The following PCDHA5 variants were observed in gnomAD, a reference collection of about 807,000 sequenced individuals.
PCDHA5 encodes the protein protocadherin alpha-5.
Under a neutral mutation model 61.6 loss-of-function variants are expected in PCDHA5, and 43 were observed. The ratio of observed to expected loss-of-function variants is 0.70; its 90% confidence interval spans 0.55 to 0.90. PCDHA5 has a LOEUF of 0.90. Among genes scored for constraint, PCDHA5 ranks in the 40% least tolerant of loss-of-function variants. PCDHA5 has a pLI of 0.00. For missense variants in PCDHA5, 1,298 were observed against 1,222.7 expected (o/e 1.06, Z -0.92); for synonymous variants, 627 against 543.9 (o/e 1.15, Z -2.13).
intron 1 of PCDHA5, chr5:140,829,756 G>T (rs1251312679): frequency 1.9e-5 from 31 of 1,613,620 alleles, no homozygotes; most frequent in Non-Finnish European, 2.5e-5. Context: ...AGGTGTTCGT[G>T]CTGGACGAGA....
At chr5:140,941,624 T>A (rs2093131699) in intron 1 of PCDHA5, among the ~76,000 whole-genome samples, 1 of 151,964 alleles carries the variant, frequency 6.6e-6, no homozygotes, top group Non-Finnish European at 1.5e-5. Flanking sequence ...CCATCCTGCT[T>A]CTTAATTTCT....
At chr5:140,918,186 C>T (rs1177570782) in intron 1 of PCDHA5, among the ~76,000 whole-genome samples, 1 of 151,888 alleles carries the variant, frequency 6.6e-6, no homozygotes, top group Non-Finnish European at 1.5e-5. Flanking sequence ...TTGATTTGGC[C>T]CTCAGCTTGG....
chr5:140,849,743 G>A lies in PCDHA5; in HGVS notation c.2352+25616G>A, dbSNP rs1554143245. ...TGCTGGACAGAGCTCTGGACCGCGA[G>A]AGTGTGTCCGCCTACGAGCTGGTGG... On this transcript the variant is annotated intron_variant, in intron 1 of 3. Transcript: ENST00000529859. 4 of 1,598,390 alleles carry A rather than the reference G, an allele frequency of 2.5e-6. No individual in the cohort carries two copies. The Admixed American group carries it at 6.7e-5, about 27-fold the overall frequency.
At chr5:140,946,059 G>T (rs979423479) in intron 1 of PCDHA5, among the ~76,000 whole-genome samples, 4 of 152,038 alleles carry the variant, frequency 2.6e-5, no homozygotes, top group Non-Finnish European at 4.4e-5. Flanking sequence ...CAGAATGGGA[G>T]AAAATATTTG....
chr5:140,952,371 C>T (rs186648472), intron 1 of PCDHA5, among the ~76,000 whole-genome samples: 1 of 151,860 alleles, frequency 6.6e-6, no homozygotes, highest in African/African-American at 2.4e-5. Flanking sequence ...AAGAAATTTC[C>T]TCTGCCAGGT....
intron 1 of PCDHA5, chr5:140,875,435 A>G (rs1562696598): frequency 6.4e-7 from 1 of 1,563,788 alleles, no homozygotes; most frequent in East Asian, 2.3e-5. Context: ...GATCCCTTAA[A>G]ACTGATTGTC....
At chr5:140,955,233 T>A (rs1554221819) in intron 1 of PCDHA5, among the ~76,000 whole-genome samples, 1 of 152,198 alleles carries the variant, frequency 6.6e-6, no homozygotes, top group African/African-American at 2.4e-5. Flanking sequence ...TTTGTTCTTT[T>A]GCTTAGGATC....
chr5:140,964,168 G>A (rs928554352), intron 1 of PCDHA5, among the ~76,000 whole-genome samples: 1 of 152,166 alleles, frequency 6.6e-6, no homozygotes, highest in Non-Finnish European at 1.5e-5. Flanking sequence ...TGTGAGGAAC[G>A]AAATCATTAT....
At chr5:140,952,351 AAAAG>A (rs1316352142) in intron 1 of PCDHA5, among the ~76,000 whole-genome samples, 25 of 120,612 alleles carry the variant, frequency 2.1e-4, no homozygotes, top group Non-Finnish European at 3.5e-4. Context: ...AAAAAAAAAA[AAAAG>A]AAAGAAAGAA....
chr5:140,884,285 G>A, intron 1 of PCDHA5: 1 of 1,613,598 alleles, frequency 6.2e-7, no homozygotes. Flanking sequence ...GGTGGAGAGC[G>A]GCCAAGCGCC....
At chr5:140,868,805 C>A in intron 1 of PCDHA5, 2 of 356,420 alleles carry the variant, frequency 5.6e-6, no homozygotes, top group Non-Finnish European at 5.0e-6. Context: ...TAAATAAGCA[C>A]GTTGGAAATA....
chr5:140,933,695 G>A lies in PCDHA5; in HGVS notation c.2353-45254G>A, dbSNP rs575994908. On this transcript the variant is annotated intron_variant, in intron 1 of 3. Coordinates refer to ENST00000529859, the MANE Select transcript of PCDHA5 (RefSeq NM_018908.3). ...TCTCACATTTTTTTTCCTATTCCTCGGACACATTTACTGAGATTGGTGATA... is the reference window on the plus strand; with the variant it reads ...TCTCACATTTTTTTTCCTATTCCTCAGACACATTTACTGAGATTGGTGATA... Among the ~76,000 whole-genome samples the A allele has an allele frequency of 1.8e-4, 27 of 151,494 alleles. 1 individual carries two copies. The South Asian group carries it at 3.7e-3, about 21-fold the overall frequency.
chr5:140,946,631 T>TATATATATATATATATATATATATACAC lies in PCDHA5; in HGVS notation c.2353-32317_2353-32316insTATATATATATATATATATATATACACA, dbSNP rs57893927. 8.3e-4 allele frequency among the ~76,000 whole-genome samples: 109 copies of TATATATATATATATATATATATATACAC among 131,802 alleles called. 1 individual carries two copies. The highest frequency in any genetic ancestry group is 3.6e-3 in the African/African-American group (102 of 28,672). 86.5% of individuals were successfully genotyped at this position (131,802 alleles called of 152,430 possible). A position where few individuals can be genotyped will look rare whatever the true frequency, so the allele number is the denominator to read the frequency against. On this transcript the variant is annotated intron_variant, in intron 1 of 3. Transcript: ENST00000529859. ...TGTGAAATATATATATATATATATA[T>TATATATATATATATATATATATATACAC]ACAATGGAATACTCATCAGCCATTA...
intron 3 of PCDHA5, among the ~76,000 whole-genome samples, chr5:140,994,608 G>C (rs1231327885): frequency 1.3e-5 from 2 of 152,098 alleles, no homozygotes; most frequent in Admixed American, 1.3e-4. Context: ...GGGAGGCTGA[G>C]GCACGAGAGT....
At chr5:140,829,831 G>C in intron 1 of PCDHA5, 1 of 1,613,918 alleles carries the variant, frequency 6.2e-7, no homozygotes. Flanking sequence ...TGAGCGAGCT[G>C]GTGCCGCGGT....
chr5:140,870,413 C>T (rs200037363), intron 1 of PCDHA5: 2 of 1,614,242 alleles, frequency 1.2e-6, no homozygotes, highest in South Asian at 2.2e-5. Flanking sequence ...CTGTGGGCCA[C>T]GGCCAGGGTA....
At position 140,823,306 on chromosome 5, in the gene PCDHA5, G is replaced by T. The variant is rs2150124482; in HGVS notation, c.1531G>T (p.Ala511Ser). The change falls in exon 1 of 4, where the codon GCG becomes TCG. Residue 511 changes from alanine (A) to serine (S), a missense_variant. Coordinates refer to ENST00000529859, the MANE Select transcript of PCDHA5 (RefSeq NM_018908.3). ...RPLSSYVSVHAESGKVYALQP... is the reference protein window; with the variant it reads ...RPLSSYVSVHSESGKVYALQP... Reference sequence around the variant, plus strand: ...GCTGTCGAGTTACGTTTCGGTGCACGCGGAGAGCGGCAAGGTGTACGCGCT... The same window carrying T: ...GCTGTCGAGTTACGTTTCGGTGCACTCGGAGAGCGGCAAGGTGTACGCGCT... 1 of 1,612,180 alleles carries T rather than the reference G, an allele frequency of 6.2e-7. No individual in the cohort carries two copies. Among genetic ancestry groups the T allele is most frequent in the Non-Finnish European group, 8.5e-7 (1 of 1,179,766 alleles).
chr5:140,871,919 A>G (rs1434717967), intron 1 of PCDHA5, among the ~76,000 whole-genome samples: 1 of 152,216 alleles, frequency 6.6e-6, no homozygotes, highest in African/African-American at 2.4e-5. Context: ...TGATATTTCC[A>G]CATTGTTAGA....
At chr5:140,857,104 T>G in intron 1 of PCDHA5, 6 of 1,597,962 alleles carry the variant, frequency 3.8e-6, no homozygotes, top group Non-Finnish European at 5.1e-6. Flanking sequence ...TGATTGTCAC[T>G]TCTCTGTCTC....
Sources: allele counts gnomAD v4.1 joint callset (sites outside exome capture counted in the v4.1 genomes callset), GRCh38; gene constraint gnomAD v4.1.1; transcripts MANE v1.5; gene names NCBI Gene and HGNC (gene_info 2026-07-23, HGNC 2026-07-21).